SGCG: variants seen among roughly 807,000 people sequenced by gnomAD.
SGCG encodes sarcoglycan gamma.
SGCG carries 26 observed loss-of-function variants against 29.3 expected under a neutral mutation model. The observed-to-expected ratio is 0.89, with a 90% CI of 0.65 to 1.23. SGCG has a LOEUF of 1.23. SGCG is among the 50% of genes most tolerant of loss of function. The pLI, the probability that SGCG is intolerant of heterozygous loss-of-function variation, is 0.00. For missense variants in SGCG, 353 were observed against 356.0 expected (o/e 0.99, Z 0.07); for synonymous variants, 145 against 129.7 (o/e 1.12, Z -0.80).
chr13:23,295,379 A>G, intron 5 of SGCG, 36 bp from the exon 6 acceptor site: 1 of 1,469,014 alleles, frequency 6.8e-7, no homozygotes, highest in Non-Finnish European at 9.5e-7. Context: ...CACTTATTTT[A>G]CTTCTGCTCC....
chr13:23,298,367 A>G (rs9645843), intron 6 of SGCG, among the ~76,000 whole-genome samples: 56,036 of 149,296 alleles, frequency 0.38, 10,924 homozygotes, highest in East Asian at 0.79. Context: ...TTATCAAGGG[A>G]AAAAAAAATT....
In SGCG at chr13:23,248,471, C is replaced by T. The variant is rs140991216; in HGVS notation, c.298-2159C>T. ...ATCCCAGACCTTTGGGAGGTGGAGG[C>T]GGGCGGATCACGAGGTCAGGAGATG... On this transcript the variant is annotated intron_variant, in intron 3 of 7. Transcript: ENST00000218867. Among the ~76,000 whole-genome samples, 432 of 151,956 alleles carry T rather than the reference C, an allele frequency of 2.8e-3. 4 individuals are homozygous for T. Among genetic ancestry groups the T allele is most frequent in the African/African-American group, 9.9e-3 (409 of 41,432 alleles).
At chr13:23,182,385 G>T (rs1477681439) in intron 1 of SGCG, among the ~76,000 whole-genome samples, 1 of 152,004 alleles carries the variant, frequency 6.6e-6, no homozygotes, top group Non-Finnish European at 1.5e-5. Flanking sequence ...AGAAACTACA[G>T]CGTCCTGAGG....
chr13:23,320,631 T>C lies in SGCG; in HGVS notation c.579-6T>C, dbSNP rs753444436. 6 of 1,395,244 alleles carry C rather than the reference T, an allele frequency of 4.3e-6. No homozygotes were observed. Among genetic ancestry groups the C allele is most frequent in the Non-Finnish European group, 5.9e-6 (6 of 1,009,500 alleles). The allele number at this position is 1,395,244 out of a possible 1,614,324, so 86.4% of individuals were successfully genotyped here. On this transcript the variant is annotated splice_polypyrimidine_tract_variant and splice_region_variant and intron_variant, in intron 6 of 7. Transcript: ENST00000218867. The stretch of plus-strand genomic sequence containing the variant: ...TTTTTTTTTGTGCTTCTTTTCCTCA[T>C]CTCAGATTAGAATCCCCCACTCGGA...
intron 6 of SGCG, among the ~76,000 whole-genome samples, chr13:23,303,207 G>A (rs928125153): frequency 4.6e-5 from 7 of 152,144 alleles, no homozygotes; most frequent in Admixed American, 3.9e-4. Context: ...TATAAAGTGG[G>A]AGAAGGAGAT....
At chr13:23,310,235 C>T (rs930490351) in intron 6 of SGCG, among the ~76,000 whole-genome samples, 28 of 151,574 alleles carry the variant, frequency 1.8e-4, no homozygotes, top group South Asian at 4.2e-4. Flanking sequence ...TACAGGCGCC[C>T]GCCACCACAC....
At chr13:23,295,671 T>C (rs1881878738) in intron 6 of SGCG, among the ~76,000 whole-genome samples, 184 bp downstream of exon 6, 2 of 152,242 alleles carry the variant, frequency 1.3e-5, no homozygotes, top group Non-Finnish European at 2.9e-5. Flanking sequence ...CAAAAAGTCC[T>C]ACTGACTCCA....
chr13:23,202,819 A>G (rs1238114852), intron 1 of SGCG, among the ~76,000 whole-genome samples: 1 of 152,172 alleles, frequency 6.6e-6, no homozygotes, highest in Non-Finnish European at 1.5e-5. Context: ...AATCCCAGAG[A>G]AGAGTATTTA....
At chr13:23,225,760 C>T (rs973228255) in intron 2 of SGCG, among the ~76,000 whole-genome samples, 7 of 139,440 alleles carry the variant, frequency 5.0e-5, no homozygotes, top group African/African-American at 1.7e-4. Flanking sequence ...TGCTCCCAGG[C>T]CCTCTGAGAG....
chr13:23,276,473 C>G (rs954191632), intron 4 of SGCG, among the ~76,000 whole-genome samples: 3 of 125,886 alleles, frequency 2.4e-5, no homozygotes, highest in African/African-American at 8.5e-5. Flanking sequence ...CGCTCTGTTG[C>G]CCAAGCTGGA....
chr13:23,183,802 G>A (rs1213473906), intron 1 of SGCG, among the ~76,000 whole-genome samples: 3 of 152,096 alleles, frequency 2.0e-5, no homozygotes, highest in African/African-American at 4.8e-5. Context: ...CTAGTAGCTG[G>A]GATTACAGGC....
intron 2 of SGCG, among the ~76,000 whole-genome samples, chr13:23,220,398 C>T (rs957837340): frequency 6.6e-6 from 1 of 151,990 alleles, no homozygotes; most frequent in Non-Finnish European, 1.5e-5. Context: ...TGCGATGAGC[C>T]GAAATCGCAC....
At position 23,320,362 on chromosome 13, in the gene SGCG, G is replaced by A. The variant is rs112539426; in HGVS notation, c.579-275G>A. 4.2e-3 allele frequency among the ~76,000 whole-genome samples: 642 copies of A among 152,246 alleles called. 4 individuals carry two copies. Among genetic ancestry groups the A allele is most frequent in the African/African-American group, 0.013 (554 of 41,530 alleles). On this transcript the variant is annotated intron_variant, in intron 6 of 7. Coordinates refer to ENST00000218867, the MANE Select transcript of SGCG (RefSeq NM_000231.3). ...TGCCAGAGTACTTAACTATGCCATC[G>A]GAAACTGCTGCATGGGATTAGGACT...
chr13:23,263,769 A>C (rs1341316144), intron 4 of SGCG, among the ~76,000 whole-genome samples: 1 of 152,138 alleles, frequency 6.6e-6, no homozygotes, highest in African/African-American at 2.4e-5. Context: ...GGGATGGTTC[A>C]ACATATGCGA....
At chr13:23,161,921 G>A in the SGCG span, among the ~76,000 whole-genome samples, 1 of 152,338 alleles carries the variant, frequency 6.6e-6, no homozygotes, top group East Asian at 1.9e-4. Flanking sequence ...ACTTAACACC[G>A]TGGCCTCACA....
At chr13:23,169,862 T>C in the SGCG span, 1 of 152,210 alleles carries the variant, frequency 6.6e-6, no homozygotes, top group East Asian at 1.9e-4. Flanking sequence ...ATTTATTGAC[T>C]GGCATAACGG....
intron 1 of SGCG, among the ~76,000 whole-genome samples, chr13:23,198,881 G>A (rs1333662071): frequency 6.8e-6 from 1 of 148,032 alleles, no homozygotes; most frequent in Non-Finnish European, 1.5e-5. Context: ...GGCCGAGGCA[G>A]GCGGATCACG....
At chr13:23,196,505 G>T (rs1038366693) in intron 1 of SGCG, among the ~76,000 whole-genome samples, 1 of 152,146 alleles carries the variant, frequency 6.6e-6, no homozygotes. Flanking sequence ...TGCAGTGATG[G>T]TGTTTATTGG....
Position 23,183,962 on chromosome 13 carries a change from A to G in SGCG, c.-1+2887A>G, listed in dbSNP as rs912939970. ...ATTACAGGCATGAGCCACCATGCCCAGCCTACATAAAATACTCTAAAATGT... is the reference window on the plus strand; with the variant it reads ...ATTACAGGCATGAGCCACCATGCCCGGCCTACATAAAATACTCTAAAATGT... On this transcript the variant is annotated intron_variant, in intron 1 of 7. Transcript: ENST00000218867. Among the ~76,000 whole-genome samples, 27 of 152,210 alleles carry G rather than the reference A, an allele frequency of 1.8e-4. 2 individuals carry two copies. The highest frequency in any genetic ancestry group is 1.6e-3 in the Admixed American group (25 of 15,282).
Sources: gnomAD v4.1 joint callset for allele counts (sites outside exome capture counted in the v4.1 genomes callset) on GRCh38, gnomAD v4.1.1 for gene constraint, MANE v1.5 for transcripts, NCBI Gene and HGNC (gene_info 2026-07-23, HGNC 2026-07-21) for gene names.